Variants in PCNX1 observed in about 807,000 individuals in gnomAD.
PCNX1 encodes pecanex 1.
A neutral mutation model predicts 242.2 loss-of-function variants in PCNX1; 78 were observed. The ratio of observed to expected loss-of-function variants is 0.32; its 90% CI spans 0.27 to 0.39. The LOEUF (loss-of-function observed/expected upper bound fraction) is 0.39. PCNX1 is among the 10% of genes least tolerant of loss of function. The pLI, the probability that PCNX1 is intolerant of heterozygous loss-of-function variation, is 1.00. For missense variants in PCNX1, 2,581 were observed against 2,856.5 expected (o/e 0.90, Z 2.20); for synonymous variants, 1,024 against 1,032.9 (o/e 0.99, Z 0.17).
chr14:70,947,979 C>A (rs953539261), intron 2 of PCNX1, among the ~76,000 whole-genome samples: 2 of 152,154 alleles, frequency 1.3e-5, no homozygotes, highest in African/African-American at 4.8e-5. Context: ...TGGTCTCCAG[C>A]AGCGCCCCCA....
Position 71,115,140 on chromosome 14 carries a change from T to C in PCNX1, c.*5205T>C, listed in dbSNP as rs2062833035. ...AAAATGGGTTTTCCTTTTCTGATCA[T>C]GGGCTCTGGAAAGTATTCATGGCCT... On this transcript the variant is annotated 3_prime_UTR_variant, in exon 36 of 36. Transcript: ENST00000304743. 2 of 152,628 alleles carry C rather than the reference T, an allele frequency of 1.3e-5. No individual in the cohort carries two copies. Among genetic ancestry groups the C allele is most frequent in the African/African-American group, 4.8e-5 (2 of 41,444 alleles). The allele number at this position is 152,628 out of a possible 1,614,324, so 9.5% of individuals were successfully genotyped here. A position where few individuals can be genotyped will look rare whatever the true frequency, so the allele number is the denominator to read the frequency against.
chr14:70,999,906 G>A (rs1366524190), intron 8 of PCNX1, among the ~76,000 whole-genome samples: 1 of 152,082 alleles, frequency 6.6e-6, no homozygotes, highest in East Asian at 1.9e-4. Context: ...ATTAGTACTT[G>A]TCCTTGTTAC....
chr14:70,921,892 G>A (rs997296242), intron 1 of PCNX1, among the ~76,000 whole-genome samples: 2 of 152,038 alleles, frequency 1.3e-5, no homozygotes, highest in African/African-American at 4.8e-5. Context: ...AATGCTTCAG[G>A]CAATATTTTT....
At chr14:71,088,708 G>A (rs2062055372) in intron 29 of PCNX1, among the ~76,000 whole-genome samples, 1 of 151,868 alleles carries the variant, frequency 6.6e-6, no homozygotes, top group African/African-American at 2.4e-5. Context: ...AATTTTGATT[G>A]GCCTCCTCCT....
chr14:70,974,894 A>G (rs2058649625), intron 5 of PCNX1, among the ~76,000 whole-genome samples: 1 of 152,216 alleles, frequency 6.6e-6, no homozygotes, highest in Non-Finnish European at 1.5e-5. Context: ...GAAAAAATAT[A>G]TTTACCTGAA....
chr14:70,977,188 C>A lies in PCNX1; in HGVS notation c.851C>A (p.Pro284Gln). Residue 284 changes from proline (P) to glutamine (Q), a missense_variant, in exon 6 of 36, where the codon CCA becomes CAA. Transcript: ENST00000304743. The stretch of plus-strand genomic sequence containing the variant: ...AAAGACCACCGGCCGCGAGGTGTAC[C>A]ACGGACTTCTAGCTCTGCTGTGGCT... ...YRKDHRPRGV[P>Q]RTSSSAVAFP... The A allele has an allele frequency of 6.2e-7, 1 of 1,614,192 alleles. No homozygotes were observed. The highest frequency in any genetic ancestry group is 8.5e-7 in the Non-Finnish European group (1 of 1,180,042).
chr14:70,936,282 C>G (rs1001110999), intron 1 of PCNX1, among the ~76,000 whole-genome samples: 1 of 130,168 alleles, frequency 7.7e-6, no homozygotes, highest in Non-Finnish European at 1.6e-5. Flanking sequence ...GCTCCTCCCT[C>G]CCCCCACCCC....
At chr14:71,029,246 A>G (rs1188070716) in intron 16 of PCNX1, among the ~76,000 whole-genome samples, 1 of 152,194 alleles carries the variant, frequency 6.6e-6, no homozygotes, top group Non-Finnish European at 1.5e-5. Flanking sequence ...GAAGATCTGG[A>G]TGAGCCTTAT....
chr14:70,998,768 AAAAAG>A (rs1566678967), intron 8 of PCNX1, among the ~76,000 whole-genome samples: 1 of 147,876 alleles, frequency 6.8e-6, no homozygotes, highest in Non-Finnish European at 1.5e-5. Flanking sequence ...AAAAAAAAAA[AAAAAG>A]AAAAACTGAC....
At chr14:70,930,251 T>C (rs1051297168) in intron 1 of PCNX1, among the ~76,000 whole-genome samples, 10 of 152,138 alleles carry the variant, frequency 6.6e-5, no homozygotes, top group African/African-American at 1.9e-4. Context: ...GCTCAAGCAG[T>C]CCTACCACCT....
At chr14:71,039,070 T>G (rs960814464) in intron 19 of PCNX1, among the ~76,000 whole-genome samples, 3 of 151,036 alleles carry the variant, frequency 2.0e-5, no homozygotes, top group Non-Finnish European at 4.4e-5. Context: ...TGGGGACTGT[T>G]GTGGGATGGG....
At chr14:71,033,579 G>A in intron 17 of PCNX1, 41 bp downstream of exon 17, 1 of 1,105,584 alleles carries the variant, frequency 9.0e-7, no homozygotes, top group Non-Finnish European at 1.4e-6. Context: ...AGAAATTTAA[G>A]TAAGTTGGTG....
chr14:71,006,362 A>C (rs190106567), intron 8 of PCNX1, among the ~76,000 whole-genome samples: 2,045 of 152,062 alleles, frequency 0.013, 23 homozygotes, highest in Non-Finnish European at 0.02. Flanking sequence ...CTGAAATTCC[A>C]GTTTCTAATC....
chr14:71,032,815 G>T (rs1231035416), intron 16 of PCNX1, among the ~76,000 whole-genome samples: 1 of 152,216 alleles, frequency 6.6e-6, no homozygotes. Flanking sequence ...AATGAGCAGA[G>T]CTCATACGGA....
intron 1 of PCNX1, among the ~76,000 whole-genome samples, chr14:70,927,995 A>G (rs531460079): frequency 6.6e-6 from 1 of 152,276 alleles, no homozygotes; most frequent in South Asian, 2.1e-4. Context: ...TTTTGTATAT[A>G]TTAATATTTC....
At chr14:70,925,366 A>G (rs1159568873) in intron 1 of PCNX1, among the ~76,000 whole-genome samples, 1 of 152,220 alleles carries the variant, frequency 6.6e-6, no homozygotes, top group African/African-American at 2.4e-5. Context: ...TTGAAAATGA[A>G]GACAGCCTTG....
chr14:70,972,391 G>C (rs773586229), intron 5 of PCNX1, among the ~76,000 whole-genome samples: 1 of 152,134 alleles, frequency 6.6e-6, no homozygotes, highest in Non-Finnish European at 1.5e-5. Context: ...TTAGATTCAG[G>C]AGTTGTCAGT....
At chr14:71,050,870 C>A in intron 23 of PCNX1, 110 bp downstream of exon 23, 2 of 1,038,622 alleles carry the variant, frequency 1.9e-6, no homozygotes, top group South Asian at 1.6e-5. Context: ...AATGAATTAT[C>A]AAAAATTCAT....
At chr14:71,003,675 C>T (rs980867393) in intron 8 of PCNX1, among the ~76,000 whole-genome samples, 3 of 152,112 alleles carry the variant, frequency 2.0e-5, no homozygotes, top group East Asian at 1.9e-4. Flanking sequence ...GATTAGCAAG[C>T]AGGAGTGGAG....
Sources: gnomAD v4.1 joint callset for allele counts (sites outside exome capture counted in the v4.1 genomes callset) on GRCh38, gnomAD v4.1.1 for gene constraint, MANE v1.5 for transcripts, NCBI Gene and HGNC (gene_info 2026-07-23, HGNC 2026-07-21) for gene names.